Variants in ZC3H18 observed in about 807,000 individuals in gnomAD.
The protein encoded by ZC3H18 is zinc finger CCCH-type containing 18, also known as zinc finger CCCH domain-containing protein 18.
In ZC3H18, 8 loss-of-function variants were observed where a neutral mutation model predicts 106.1. The ratio of observed to expected loss-of-function variants is 0.08; its 90% confidence interval spans 0.04 to 0.14. The LOEUF (loss-of-function observed/expected upper bound fraction) is 0.14, where lower values mean the gene tolerates loss of function less well. Among genes scored for constraint, ZC3H18 ranks in the 10% least tolerant of loss-of-function variants. ZC3H18 has a pLI of 1.00. For missense variants in ZC3H18, 1,318 were observed against 1,278.4 expected (o/e 1.03, Z -0.47); for synonymous variants, 635 against 522.1 (o/e 1.22, Z -2.95).
intron 1 of ZC3H18, among the ~76,000 whole-genome samples, chr16:88,573,937 A>G (rs2142514744): frequency 6.6e-6 from 1 of 151,930 alleles, no homozygotes; most frequent in African/African-American, 2.4e-5. Flanking sequence ...CAATGACACA[A>G]TCTTGGCTCA....
intron 8 of ZC3H18, among the ~76,000 whole-genome samples, chr16:88,615,699 C>G (rs570712021): frequency 6.6e-6 from 1 of 152,326 alleles, no homozygotes; most frequent in East Asian, 1.9e-4. Context: ...TGGAAGGTCA[C>G]TGTGCTGTGT....
At chr16:88,608,907 G>T in intron 6 of ZC3H18, 27 bp from the exon 7 acceptor site, 2 of 1,578,240 alleles carry the variant, frequency 1.3e-6, no homozygotes, top group South Asian at 2.2e-5. Flanking sequence ...TAAGTGATGA[G>T]AGTTCTTTTT....
chr16:88,623,208 G>A lies in ZC3H18; in HGVS notation c.1668-11G>A, dbSNP rs180966257. 28 of 1,610,770 alleles carry A rather than the reference G, an allele frequency of 1.7e-5. 1 individual carries two copies. In the East Asian group the frequency reaches 3.3e-4, roughly 19 times the overall value. Reference sequence around the variant, plus strand: ...CTCACTTCTCGCCACGCTCCGTCCCGCCCGCCCCAGGTCGTCTTCGCGGTC... The same window carrying A: ...CTCACTTCTCGCCACGCTCCGTCCCACCCGCCCCAGGTCGTCTTCGCGGTC... On this transcript the variant is annotated splice_polypyrimidine_tract_variant and intron_variant, in intron 9 of 17. Transcript: ENST00000301011.
chr16:88,581,300 C>G (rs563516853), intron 2 of ZC3H18, among the ~76,000 whole-genome samples: 3 of 152,344 alleles, frequency 2.0e-5, no homozygotes, highest in South Asian at 4.1e-4. Flanking sequence ...ATTTATCATT[C>G]TTTTTCAGAA....
chr16:88,597,070 G>A (rs1272757081), intron 3 of ZC3H18, among the ~76,000 whole-genome samples: 2 of 152,152 alleles, frequency 1.3e-5, no homozygotes, highest in South Asian at 2.1e-4. Context: ...ACAGGCACCT[G>A]CCACCACGTC....
intron 8 of ZC3H18, among the ~76,000 whole-genome samples, chr16:88,620,557 A>C (rs1008417860): frequency 6.6e-6 from 1 of 151,852 alleles, no homozygotes; most frequent in Non-Finnish European, 1.5e-5. Context: ...CCACATGGGT[A>C]ACAGAGCAAG....
chr16:88,628,971 T>C, intron 16 of ZC3H18, 117 bp downstream of exon 16: 2 of 913,008 alleles, frequency 2.2e-6, no homozygotes, highest in South Asian at 1.5e-5. Flanking sequence ...AGAGAACATC[T>C]GACTTGCAGA....
At chr16:88,593,315 A>T (rs1165885857) in intron 3 of ZC3H18, among the ~76,000 whole-genome samples, 1 of 152,212 alleles carries the variant, frequency 6.6e-6, no homozygotes, top group East Asian at 1.9e-4. Flanking sequence ...GTTGTTGGCC[A>T]AGAGGGCTGC....
chr16:88,627,484 G>A lies in ZC3H18; in HGVS notation c.2109-138G>A, dbSNP rs564511735. ...TACTTTGTAACCCTGAAACTGCCCA[G>A]TGTCCCCCCAAAATCACACATTCCG... On this transcript the variant is annotated intron_variant, in intron 13 of 17. Coordinates refer to ENST00000301011, the MANE Select transcript of ZC3H18 (RefSeq NM_144604.4). The surrounding 1 kb of genome is among the most constrained non-coding windows in gnomAD (Gnocchi z 4.5). The A allele has an allele frequency of 7.3e-6, 9 of 1,226,632 alleles. No individual in the cohort carries two copies. The African/African-American group carries it at 1.2e-4, about 16-fold the overall frequency. The allele number at this position is 1,226,632 out of a possible 1,614,324, so 76.0% of individuals were successfully genotyped here. A position where few individuals can be genotyped will look rare whatever the true frequency, so the allele number is the denominator to read the frequency against.
intron 2 of ZC3H18, 121 bp from the exon 3 acceptor site, chr16:88,586,479 A>T (rs1915441508): frequency 3.7e-6 from 3 of 820,376 alleles, no homozygotes; most frequent in Admixed American, 2.0e-5. Flanking sequence ...AATTGACGTG[A>T]ATTCAATTCC....
chr16:88,576,971 G>A, intron 1 of ZC3H18, 139 bp from the exon 2 acceptor site: 1 of 788,890 alleles, frequency 1.3e-6, no homozygotes, highest in Admixed American at 3.2e-5. Context: ...TTTCTCTGCA[G>A]AGTGGAGTGT....
rs372070980 is a variant in ZC3H18, at chr16:88,628,851, C to G, written c.2563C>G (p.Arg855Gly). The G allele has an allele frequency of 1.9e-6, 3 of 1,613,982 alleles. No individual in the cohort carries two copies. The highest frequency in any genetic ancestry group is 2.5e-6 in the Non-Finnish European group (3 of 1,179,926). ...PAKRPNTSPD[R>G]GSRDRKSGGR... ...CAAGCGGCCCAACACATCCCCAGAC[C>G]GAGGTGAGCCTCCCAGCCCCTAGGG... is the stretch of plus-strand genomic sequence containing the variant. Residue 855 changes from arginine (R) to glycine (G), a missense_variant, in exon 16 of 18, where the codon CGA becomes GGA. Coordinates refer to ENST00000301011, the MANE Select transcript of ZC3H18 (RefSeq NM_144604.4).
chr16:88,607,650 T>G (rs1248100320), intron 6 of ZC3H18, among the ~76,000 whole-genome samples: 1 of 149,764 alleles, frequency 6.7e-6, no homozygotes, highest in Admixed American at 6.6e-5. Flanking sequence ...ATTCACAGGC[T>G]TCATGTCACG....
chr16:88,611,569 G>A, intron 8 of ZC3H18, 33 bp downstream of exon 8: 2 of 1,543,834 alleles, frequency 1.3e-6, no homozygotes, highest in Non-Finnish European at 1.7e-6. Context: ...CAGGGGTGTG[G>A]GGGAGGTCCG....
intron 6 of ZC3H18, among the ~76,000 whole-genome samples, chr16:88,605,165 G>T (rs1282478334): frequency 6.6e-6 from 1 of 152,226 alleles, no homozygotes; most frequent in Non-Finnish European, 1.5e-5. Context: ...GGATTTGCTG[G>T]TGCCCTGTGG....
intron 3 of ZC3H18, chr16:88,587,603 C>CCAGGTTA: frequency 6.5e-7 from 1 of 1,535,862 alleles, no homozygotes; most frequent in Non-Finnish European, 8.7e-7. Flanking sequence ...CATTCAGAGG[C>CCAGGTTA]CAGGTTAAAG....
intron 3 of ZC3H18, among the ~76,000 whole-genome samples, chr16:88,597,423 A>AG (rs1273568240): frequency 6.6e-6 from 1 of 152,218 alleles, no homozygotes; most frequent in Non-Finnish European, 1.5e-5. Context: ...AAAATTTTTA[A>AG]ACCGCTTAGA....
chr16:88,617,782 G>A (rs1311078393), intron 8 of ZC3H18, among the ~76,000 whole-genome samples: 3 of 152,220 alleles, frequency 2.0e-5, no homozygotes, highest in Non-Finnish European at 2.9e-5. Flanking sequence ...TCCGGACACC[G>A]CAGAGTCCGC....
intron 8 of ZC3H18, among the ~76,000 whole-genome samples, chr16:88,618,787 C>T (rs885157): frequency 0.19 from 29,567 of 152,168 alleles, 3,770 homozygotes; most frequent in African/African-American, 0.36. Flanking sequence ...CTGGAGGGTT[C>T]TCCCCTGCGG....
Sources: gnomAD v4.1 joint callset for allele counts (sites outside exome capture counted in the v4.1 genomes callset) on GRCh38, gnomAD v4.1.1 for gene constraint, Gnocchi (gnomAD v3.1) non-coding constraint, MANE v1.5 for transcripts, NCBI Gene and HGNC (gene_info 2026-07-23, HGNC 2026-07-21) for gene names.